The following MACROD2 variants were observed in gnomAD, a reference collection of about 807,000 sequenced individuals.
MACROD2 encodes the protein ADP-ribose glycohydrolase MACROD2.
In MACROD2, 36 loss-of-function variants were observed where a neutral mutation model predicts 70.4. That is an observed-to-expected ratio of 0.51 (90% confidence interval 0.39 to 0.68). The LOEUF (loss-of-function observed/expected upper bound fraction) is 0.68. MACROD2 is among the 30% of genes least tolerant of loss of function. The probability of loss-of-function intolerance (pLI) is 0.00; values close to 1 mark genes in which losing one functional copy is unlikely to be tolerated. For missense variants in MACROD2, 496 were observed against 538.4 expected (o/e 0.92, Z 0.78); for synonymous variants, 172 against 178.8 (o/e 0.96, Z 0.30).
At chr20:14,341,676 A>G (rs1251368053) in intron 3 of MACROD2, among the ~76,000 whole-genome samples, 1 of 152,212 alleles carries the variant, frequency 6.6e-6, no homozygotes, top group Non-Finnish European at 1.5e-5. Context: ...CATACTTTTG[A>G]TAGATTAAAT....
intron 6 of MACROD2, among the ~76,000 whole-genome samples, chr20:15,352,185 A>AT (rs2078235014): frequency 6.6e-6 from 1 of 152,172 alleles, no homozygotes; most frequent in Admixed American, 6.5e-5. Flanking sequence ...GCTTGGCAGG[A>AT]TGAGAGCAGT....
intron 4 of MACROD2, chr20:14,628,888 T>A (rs367838556): frequency 1.3e-5 from 2 of 152,236 alleles, no homozygotes; most frequent in African/African-American, 4.8e-5. Flanking sequence ...AGATAAATAA[T>A]CTAAGTTTCC....
intron 3 of MACROD2, among the ~76,000 whole-genome samples, chr20:14,376,751 AAATAATAATAATAATAAT>A (rs6147295): frequency 1.3e-4 from 18 of 135,860 alleles, no homozygotes; most frequent in South Asian, 1.0e-3. Context: ...GCCTGTCTCA[AAATAATAATAATAATAAT>A]AATAATAATA....
chr20:15,301,127 C>T (rs2077638013), intron 6 of MACROD2, among the ~76,000 whole-genome samples: 1 of 152,180 alleles, frequency 6.6e-6, no homozygotes, highest in African/African-American at 2.4e-5. Context: ...TGACCATTCG[C>T]CTGCCTTACT....
intron 2 of MACROD2, among the ~76,000 whole-genome samples, chr20:14,033,071 G>A (rs1187550497): frequency 4.8e-5 from 7 of 144,618 alleles, no homozygotes; most frequent in Non-Finnish European, 1.5e-5. Context: ...AATTTCTTCA[G>A]AAGCTTGGTT....
intron 3 of MACROD2, among the ~76,000 whole-genome samples, chr20:14,140,333 T>C (rs1249570826): frequency 2.0e-5 from 3 of 152,226 alleles, no homozygotes; most frequent in Non-Finnish European, 4.4e-5. Flanking sequence ...TAAAAACATG[T>C]AAATGATAAA....
intron 8 of MACROD2, among the ~76,000 whole-genome samples, chr20:15,588,076 C>T (rs2048627083): frequency 6.6e-6 from 1 of 152,206 alleles, no homozygotes; most frequent in Admixed American, 6.5e-5. Flanking sequence ...GTCTGGGCAT[C>T]CAGGTGTTTC....
At chr20:15,281,516 C>T (rs2077444156) in intron 6 of MACROD2, among the ~76,000 whole-genome samples, 1 of 152,196 alleles carries the variant, frequency 6.6e-6, no homozygotes, top group African/African-American at 2.4e-5. Flanking sequence ...AGGCTACAGG[C>T]TCCATGCAAG....
At chr20:14,481,477 C>T (rs567372032) in intron 3 of MACROD2, among the ~76,000 whole-genome samples, 4 of 151,988 alleles carry the variant, frequency 2.6e-5, no homozygotes, top group African/African-American at 7.2e-5. Context: ...AAAGGTATGG[C>T]GAAATATTTA....
intron 4 of MACROD2, among the ~76,000 whole-genome samples, chr20:14,658,564 T>C (rs1317719056): frequency 1.3e-5 from 2 of 152,286 alleles, no homozygotes; most frequent in Admixed American, 1.3e-4. Flanking sequence ...CCTTTAGAAA[T>C]TGAGGAAGTT....
chr20:14,970,090 G>A (rs1000217011), intron 5 of MACROD2, among the ~76,000 whole-genome samples: 3 of 152,048 alleles, frequency 2.0e-5, no homozygotes, highest in Non-Finnish European at 4.4e-5. Flanking sequence ...GTTCCACATG[G>A]CCGAGGAAGC....
intron 12 of MACROD2, among the ~76,000 whole-genome samples, chr20:15,960,212 AGAGGT>A (rs1489760884): frequency 1.3e-5 from 2 of 152,216 alleles, no homozygotes; most frequent in African/African-American, 4.8e-5. Context: ...TGGTCAAGCA[AGAGGT>A]GTCTGCTTAG....
intron 5 of MACROD2, among the ~76,000 whole-genome samples, chr20:15,162,386 T>C (rs1297329983): frequency 6.6e-6 from 1 of 151,952 alleles, no homozygotes; most frequent in Non-Finnish European, 1.5e-5. Context: ...GATGTTTGCA[T>C]AAAGTTAGAC....
chr20:14,489,876 T>C (rs1158927079), intron 3 of MACROD2, among the ~76,000 whole-genome samples: 1 of 129,284 alleles, frequency 7.7e-6, no homozygotes, highest in Non-Finnish European at 1.7e-5. Context: ...TTTTTTTTTT[T>C]AAAAGACAGA....
rs541909226 is a variant in MACROD2 at position 15,084,363 on chromosome 20, CG to C, written c.419-145575del. Reference sequence around the variant, plus strand: ...GATTACAGACGTGAGCCACCACACCCGGCCAACTAGTTTTTCTTACCATCTC... The same window carrying C: ...GATTACAGACGTGAGCCACCACACCCGCCAACTAGTTTTTCTTACCATCTC... On this transcript the variant is annotated intron_variant, in intron 5 of 17. Transcript: ENST00000684519. Among the ~76,000 whole-genome samples, 99 of 152,150 alleles carry C rather than the reference CG, an allele frequency of 6.5e-4. No individual in the cohort carries two copies. In the Middle Eastern group the frequency reaches 0.017, roughly 26 times the overall value.
At chr20:14,049,791 A>C (rs1424566050) in intron 2 of MACROD2, among the ~76,000 whole-genome samples, 1 of 150,186 alleles carries the variant, frequency 6.7e-6, no homozygotes, top group Non-Finnish European at 1.5e-5. Context: ...AACAAACAAA[A>C]AACAAAAACA....
chr20:14,359,213 A>C (rs186833509), intron 3 of MACROD2, among the ~76,000 whole-genome samples: 1 of 149,084 alleles, frequency 6.7e-6, no homozygotes. Flanking sequence ...AACAAACAAA[A>C]AACACCTAGA....
intron 5 of MACROD2, among the ~76,000 whole-genome samples, chr20:15,165,732 G>A (rs1365152223): frequency 6.6e-6 from 1 of 152,086 alleles, no homozygotes; most frequent in East Asian, 1.9e-4. Context: ...TATGTTAAGA[G>A]GCCAATATAA....
chr20:14,000,260 A>G (rs551125156), intron 1 of MACROD2, among the ~76,000 whole-genome samples: 55 of 152,104 alleles, frequency 3.6e-4, no homozygotes, highest in Admixed American at 3.2e-3. Context: ...CAACTTCTTC[A>G]ATGTCCTATA....
Sources: allele counts gnomAD v4.1 joint callset (sites outside exome capture counted in the v4.1 genomes callset), GRCh38; gene constraint gnomAD v4.1.1; transcripts MANE v1.5; gene names NCBI Gene and HGNC (gene_info 2026-07-23, HGNC 2026-07-21).